Variants in CDH18 observed in about 807,000 individuals in gnomAD.
CDH18 encodes the protein cadherin-18.
CDH18 carries 31 observed loss-of-function variants against 67.9 expected under a neutral mutation model. The observed-to-expected ratio is 0.46, with a 90% CI of 0.34 to 0.62. The LOEUF (loss-of-function observed/expected upper bound fraction) is 0.62, where lower values mean the gene tolerates loss of function less well. Ranked by LOEUF, CDH18 falls within the 20% of genes least tolerant of loss-of-function variation. CDH18 has a pLI of 0.01. For missense variants in CDH18, 890 were observed against 975.5 expected, an observed-to-expected ratio of 0.91 and a Z score of 1.17; for synonymous variants, 362 against 347.2, an observed-to-expected ratio of 1.04 and a Z score of -0.48.
chr5:20,558,933 A>G (rs976219940), intron 1 of CDH18, among the ~76,000 whole-genome samples: 1 of 151,678 alleles, frequency 6.6e-6, no homozygotes, highest in Non-Finnish European at 1.5e-5. Context: ...GATTTCAAAT[A>G]AAGTCAACTC....
At chr5:20,216,898 T>C (rs976887783) in intron 2 of CDH18, among the ~76,000 whole-genome samples, 1 of 151,722 alleles carries the variant, frequency 6.6e-6, no homozygotes, top group East Asian at 1.9e-4. Flanking sequence ...AGGCAAAAAA[T>C]AACATACAAA....
intron 2 of CDH18, among the ~76,000 whole-genome samples, chr5:19,846,555 T>G (rs1466715617): frequency 1.3e-5 from 2 of 152,112 alleles, no homozygotes; most frequent in Non-Finnish European, 2.9e-5. Flanking sequence ...TGGACGTTTT[T>G]CAGCCCATTG....
chr5:20,212,877 T>C (rs1249694561), intron 2 of CDH18, among the ~76,000 whole-genome samples: 2 of 152,120 alleles, frequency 1.3e-5, no homozygotes, highest in Non-Finnish European at 2.9e-5. Context: ...GTCTGACCTA[T>C]AAAGACCAGT....
At chr5:19,545,062 A>G (rs1412551546) in intron 8 of CDH18, among the ~76,000 whole-genome samples, 1 of 152,210 alleles carries the variant, frequency 6.6e-6, no homozygotes, top group African/African-American at 2.4e-5. Flanking sequence ...CTATTAAACA[A>G]TTATCATATG....
intron 5 of CDH18, among the ~76,000 whole-genome samples, chr5:19,696,630 G>A (rs536269956): frequency 2.0e-5 from 3 of 151,870 alleles, no homozygotes; most frequent in African/African-American, 7.2e-5. Flanking sequence ...TCCTGACCTC[G>A]TGATCCTCCC....
Position 19,591,163 on chromosome 5 carries a change from C to A in CDH18, c.893G>T (p.Gly298Val), listed in dbSNP as rs867524677. 1.2e-6 allele frequency: 2 copies of A among 1,612,262 alleles called. No homozygotes were observed. The highest frequency in any genetic ancestry group is 1.1e-5 in the South Asian group (1 of 90,950). The change falls in exon 7 of 13, where the codon GGC (glycine) becomes GTC (valine). Residue 298 changes from glycine (G) to valine (V), a missense_variant. Transcript: ENST00000382275. ...GGAGTAGGTCATGTCAGCATTTGAG[C>A]CAGTGTCAGCATCATTTGCCTTGAT... ...GKIKANDADT[G>V]SNADMTYSII...
chr5:19,559,868 A>G, intron 8 of CDH18, among the ~76,000 whole-genome samples: 1 of 151,274 alleles, frequency 6.6e-6, no homozygotes, highest in Non-Finnish European at 1.5e-5. Flanking sequence ...ACTAATAGTG[A>G]CCAAGCTGAA....
chr5:19,951,521 T>G lies in CDH18; in HGVS notation c.-257+29539A>C, dbSNP rs1351334383. 3.3e-5 allele frequency among the ~76,000 whole-genome samples: 5 copies of G among 152,186 alleles called. No individual in the cohort carries two copies. In the East Asian group the frequency reaches 9.6e-4, roughly 29 times the overall value. On this transcript the variant is annotated intron_variant, in intron 2 of 12. Transcript: ENST00000382275. ...GTGTTGGGCATCAGTCTATCCAATT[T>G]GGAACTTGTGTATGTTTTTCCCAAA...
At chr5:20,525,527 C>A (rs1285097303) in intron 1 of CDH18, among the ~76,000 whole-genome samples, 2 of 152,066 alleles carry the variant, frequency 1.3e-5, no homozygotes, top group East Asian at 3.9e-4. Flanking sequence ...CTTCTTCCTG[C>A]AGTTCACCTG....
intron 5 of CDH18, among the ~76,000 whole-genome samples, chr5:19,689,308 C>G (rs1761532258): frequency 6.6e-6 from 1 of 151,924 alleles, no homozygotes; most frequent in Non-Finnish European, 1.5e-5. Flanking sequence ...AGAGAACTCT[C>G]AGCAGATTGG....
chr5:20,446,187 T>C (rs1749988208), intron 1 of CDH18, among the ~76,000 whole-genome samples: 1 of 152,110 alleles, frequency 6.6e-6, no homozygotes, highest in Non-Finnish European at 1.5e-5. Flanking sequence ...CGAGCACATG[T>C]CACTTTAGGG....
chr5:20,172,018 G>A (rs1736756175), intron 2 of CDH18, among the ~76,000 whole-genome samples: 1 of 149,710 alleles, frequency 6.7e-6, no homozygotes, highest in East Asian at 2.0e-4. Context: ...CTTTGTCAAA[G>A]GTCAGTTGGT....
chr5:19,998,709 T>C (rs1443260229), intron 2 of CDH18, among the ~76,000 whole-genome samples: 1 of 152,074 alleles, frequency 6.6e-6, no homozygotes, highest in East Asian at 1.9e-4. Flanking sequence ...TCCTTTCAAG[T>C]GGAAAATAAG....
intron 2 of CDH18, among the ~76,000 whole-genome samples, chr5:20,056,145 C>T (rs562830777): frequency 1.8e-3 from 266 of 151,336 alleles, no homozygotes; most frequent in Non-Finnish European, 2.5e-3. Context: ...GCTGGAACTA[C>T]AGGCGCCCAC....
chr5:20,101,867 T>A (rs887598377), intron 2 of CDH18, among the ~76,000 whole-genome samples: 2 of 151,844 alleles, frequency 1.3e-5, no homozygotes, highest in African/African-American at 4.8e-5. Context: ...AGGTCAGGAG[T>A]TCGAGGCCAT....
intron 3 of CDH18, among the ~76,000 whole-genome samples, chr5:19,814,702 T>C (rs896432923): frequency 6.6e-6 from 1 of 152,016 alleles, no homozygotes; most frequent in Admixed American, 6.6e-5. Context: ...TAATACTCAT[T>C]TTCATTTTTT....
At chr5:20,016,152 T>C (rs1315332611) in intron 2 of CDH18, among the ~76,000 whole-genome samples, 1 of 152,078 alleles carries the variant, frequency 6.6e-6, no homozygotes, top group Admixed American at 6.6e-5. Context: ...CACAGCCATG[T>C]CTTTTGGGGG....
chr5:20,199,477 C>T (rs545152201), intron 2 of CDH18, among the ~76,000 whole-genome samples: 158 of 152,252 alleles, frequency 1.0e-3, no homozygotes, highest in African/African-American at 3.7e-3. Context: ...ATGCCTGTAC[C>T]CCTATAGTAT....
Position 20,353,339 on chromosome 5 carries a change from GACAAATAGAATGACC to G in CDH18, c.-579-97849_-579-97835del, listed in dbSNP as rs1327536013. Among the ~76,000 whole-genome samples, 6 of 152,184 alleles carry G rather than the reference GACAAATAGAATGACC, an allele frequency of 3.9e-5. No individual in the cohort carries two copies. In the East Asian group the frequency reaches 1.2e-3, roughly 29 times the overall value. ...CTTTTCAGAGATTGCTTTTCAATAAGACAAATAGAATGACCACATATTATAAATTATTAATAAGAT... is the reference window on the plus strand; with the variant it reads ...CTTTTCAGAGATTGCTTTTCAATAAGACATATTATAAATTATTAATAAGAT... On this transcript the variant is annotated intron_variant, in intron 1 of 14. Coordinates refer to the CDH18 transcript ENST00000507958.
Sources: allele counts gnomAD v4.1 joint callset (sites outside exome capture counted in the v4.1 genomes callset), GRCh38; gene constraint gnomAD v4.1.1; transcripts MANE v1.5; gene names NCBI Gene and HGNC (gene_info 2026-07-23, HGNC 2026-07-21).